Variants in INO80 observed in about 807,000 individuals in gnomAD.
INO80 encodes chromatin-remodeling ATPase INO80.
In INO80, 20 loss-of-function variants were observed where a neutral mutation model predicts 203.4. The observed-to-expected ratio is 0.10, with a 90% confidence interval of 0.07 to 0.14. The LOEUF is 0.14. Ranked by LOEUF, INO80 falls within the 10% of genes least tolerant of loss-of-function variation. INO80 has a pLI of 1.00. For synonymous variants in INO80, 726 were observed against 685.2 expected, an observed-to-expected ratio of 1.06 and a Z score of -0.93; for missense variants, 1,419 against 1,914.4, an observed-to-expected ratio of 0.74 and a Z score of 4.83.
chr15:41,066,771 T>C (rs1009390101), intron 14 of INO80, among the ~76,000 whole-genome samples: 1 of 135,048 alleles, frequency 7.4e-6, no homozygotes, highest in African/African-American at 2.8e-5. Context: ...AGGGCTGCGG[T>C]GAGCTATGAT....
Position 41,007,191 on chromosome 15 carries a change from T to C in INO80, c.3403-1504A>G, listed in dbSNP as rs1244671487. The stretch of plus-strand genomic sequence containing the variant: ...CTCTTTTTTTTTTTTTCTTTTTTTT[T>C]TTTTTTTTTTTAGACACTGTCTTGC... On this transcript the variant is annotated intron_variant, in intron 27 of 35. Coordinates refer to ENST00000648947, the MANE Select transcript of INO80 (RefSeq NM_017553.3). Among the ~76,000 whole-genome samples the C allele has an allele frequency of 2.7e-5, 4 of 146,822 alleles. No homozygotes were observed. In the South Asian group the frequency reaches 6.6e-4, roughly 24 times the overall value.
At chr15:41,066,175 T>C (rs1291190678) in intron 14 of INO80, among the ~76,000 whole-genome samples, 1 of 151,826 alleles carries the variant, frequency 6.6e-6, no homozygotes, top group Non-Finnish European at 1.5e-5. Context: ...ATGGGGTTTC[T>C]CCACATTGGT....
At chr15:41,022,172 C>T (rs1022599960) in intron 25 of INO80, among the ~76,000 whole-genome samples, 5 of 152,206 alleles carry the variant, frequency 3.3e-5, no homozygotes, top group African/African-American at 9.7e-5. Context: ...AATCTGCATA[C>T]GCAGAATTGC....
At chr15:41,061,618 G>C (rs1009236204) in intron 14 of INO80, among the ~76,000 whole-genome samples, 1 of 151,438 alleles carries the variant, frequency 6.6e-6, no homozygotes, top group African/African-American at 2.4e-5. Context: ...GTGAGACTGT[G>C]TTTCAAAAAA....
chr15:41,087,150 G>A (rs2140643236), intron 6 of INO80, among the ~76,000 whole-genome samples: 1 of 151,974 alleles, frequency 6.6e-6, no homozygotes, highest in Middle Eastern at 3.4e-3. Flanking sequence ...AAAAAGAATG[G>A]TTGCAGCAGC....
intron 28 of INO80, among the ~76,000 whole-genome samples, chr15:41,002,870 C>G (rs527348893): frequency 1.3e-5 from 2 of 152,108 alleles, no homozygotes; most frequent in African/African-American, 4.8e-5. Context: ...TCTGGGAGGC[C>G]GAGGCGGGTG....
intron 1 of INO80, among the ~76,000 whole-genome samples, chr15:41,109,948 G>A (rs2045935395): frequency 6.7e-6 from 1 of 148,864 alleles, no homozygotes; most frequent in South Asian, 2.1e-4. Flanking sequence ...AAAAAAAACT[G>A]TCCAGGCGTG....
intron 35 of INO80, among the ~76,000 whole-genome samples, chr15:40,982,369 G>A (rs908442992): frequency 1.3e-5 from 2 of 152,068 alleles, no homozygotes; most frequent in South Asian, 2.1e-4. Flanking sequence ...GGCTGGTCTC[G>A]AACTCCTGGC....
intron 28 of INO80, among the ~76,000 whole-genome samples, chr15:40,999,860 G>A (rs1193553495): frequency 2.0e-5 from 3 of 152,140 alleles, no homozygotes; most frequent in Non-Finnish European, 4.4e-5. Context: ...GAAGGCTGAG[G>A]TGTGAGGATC....
intron 33 of INO80, 114 bp from the exon 34 acceptor site, chr15:40,984,035 A>G: frequency 2.2e-6 from 3 of 1,385,584 alleles, no homozygotes; most frequent in African/African-American, 2.9e-5. Context: ...TGAGAAACCA[A>G]CCTGTCCTCA....
chr15:41,072,085 GAA>G (rs760170112), intron 11 of INO80, 27 bp from the exon 12 acceptor site: 69 of 859,262 alleles, frequency 8.0e-5, no homozygotes, highest in East Asian at 1.1e-4. Flanking sequence ...AAAAAAATTA[GAA>G]AAAAAAAAAA....
chr15:41,033,232 A>T (rs186325571), intron 24 of INO80, among the ~76,000 whole-genome samples: 32 of 152,274 alleles, frequency 2.1e-4, no homozygotes, highest in Admixed American at 2.0e-3. Context: ...GTTCTGCCCC[A>T]AGAAAGATAA....
chr15:41,050,681 A>G (rs1380032188), intron 19 of INO80, among the ~76,000 whole-genome samples: 1 of 152,184 alleles, frequency 6.6e-6, no homozygotes, highest in Non-Finnish European at 1.5e-5. Context: ...GATATAGTAT[A>G]GACTGATAAT....
At chr15:41,081,443 G>A (rs979240435) in intron 7 of INO80, among the ~76,000 whole-genome samples, 3 of 152,150 alleles carry the variant, frequency 2.0e-5, no homozygotes, top group Non-Finnish European at 4.4e-5. Flanking sequence ...AGAGAGCAGG[G>A]CATCCAGATA....
chr15:40,983,760 A>C lies in INO80; in HGVS notation c.4237+2T>G. ...CAAGCTGTACAAGACAGCAGCAATT[A>C]CCATTCACGGTATCTGAGACGGAGC... On this transcript the variant is annotated splice_donor_variant, in intron 34 of 35. Transcript: ENST00000648947. LOFTEE classifies it high-confidence loss of function. 6.2e-7 allele frequency: 1 copy of C among 1,612,106 alleles called. No homozygotes were observed. Among genetic ancestry groups the C allele is most frequent in the Non-Finnish European group, 8.5e-7 (1 of 1,179,886 alleles).
chr15:41,003,238 A>G lies in INO80; in HGVS notation c.3497+2355T>C, dbSNP rs556403036. Among the ~76,000 whole-genome samples, 8 of 152,240 alleles carry G rather than the reference A, an allele frequency of 5.3e-5. 1 individual carries two copies. The South Asian group carries it at 1.7e-3, about 32-fold the overall frequency. Reference sequence around the variant, plus strand: ...GGATACAAAATCCCACCTATAATATAATAGTATAAATATAACCCTATACAT... The same window carrying G: ...GGATACAAAATCCCACCTATAATATGATAGTATAAATATAACCCTATACAT... On this transcript the variant is annotated intron_variant, in intron 28 of 35. Coordinates refer to ENST00000648947, the MANE Select transcript of INO80 (RefSeq NM_017553.3).
At chr15:41,006,279 C>A in intron 27 of INO80, among the ~76,000 whole-genome samples, 1 of 152,104 alleles carries the variant, frequency 6.6e-6, no homozygotes. Context: ...TGAAGAGACT[C>A]CAAAAGATAC....
intron 30 of INO80, 94 bp downstream of exon 30, chr15:40,987,722 G>A: frequency 1.7e-6 from 2 of 1,201,462 alleles, no homozygotes; most frequent in South Asian, 1.5e-5. Context: ...ACCAATGAAA[G>A]GCAAGAGAGT....
intron 12 of INO80, among the ~76,000 whole-genome samples, chr15:41,071,078 AG>A (rs984043955): frequency 2.0e-5 from 3 of 152,122 alleles, no homozygotes; most frequent in Non-Finnish European, 4.4e-5. Flanking sequence ...CTGAGGCAGG[AG>A]GGTCACTTGA....
Sources: gnomAD v4.1 joint callset for allele counts (sites outside exome capture counted in the v4.1 genomes callset) on GRCh38, gnomAD v4.1.1 for gene constraint, MANE v1.5 for transcripts, NCBI Gene and HGNC (gene_info 2026-07-23, HGNC 2026-07-21) for gene names.